BFSP1: variants seen among roughly 807,000 people sequenced by gnomAD.
BFSP1 encodes beaded filament structural protein 1.
A neutral mutation model predicts 43.9 loss-of-function variants in BFSP1; 38 were observed. The observed-to-expected ratio is 0.87, with a 90% confidence interval of 0.67 to 1.14. The LOEUF is 1.14. Ranked by LOEUF, BFSP1 falls within the 50% of genes most tolerant of loss-of-function variation. BFSP1 has a pLI of 0.00. For synonymous variants in BFSP1, 352 were observed against 354.8 expected (o/e 0.99, Z 0.09); for missense variants, 850 against 875.1 (o/e 0.97, Z 0.36).
chr20:17,547,026 C>CAAA (rs11324389), intron 1 of BFSP1, among the ~76,000 whole-genome samples: 16 of 77,560 alleles, frequency 2.1e-4, no homozygotes, highest in African/African-American at 3.1e-4. Context: ...GACTCCATCT[C>CAAA]AAAAAAAAAA....
intron 2 of BFSP1, chr20:17,517,446 G>C: frequency 1.6e-6 from 1 of 606,928 alleles, no homozygotes; most frequent in Non-Finnish European, 2.9e-6. Context: ...ACCACGCCCA[G>C]CTAATTTTTC....
upstream of BFSP1, among the ~76,000 whole-genome samples, chr20:17,532,237 T>G (rs1213219179): frequency 6.6e-6 from 1 of 150,498 alleles, no homozygotes; most frequent in Non-Finnish European, 1.5e-5. Context: ...AAACTCCGTC[T>G]CTACTAAAAA....
rs6044856 is a variant in BFSP1 at position 17,515,522 on chromosome 20, G to A, written c.439-706C>T. On this transcript the variant is annotated intron_variant, in intron 2 of 7. Transcript: ENST00000377873. ...TGTTTGTTCCTCTAAGGTTGGAAAC[G>A]ACATTGATCACAAAAGGTTGAATTT... 3.1e-3 allele frequency among the ~76,000 whole-genome samples: 470 copies of A among 152,320 alleles called. 1 individual carries two copies. The highest frequency in any genetic ancestry group is 0.01 in the African/African-American group (418 of 41,586).
chr20:17,533,689 G>C (rs2123544668), upstream of BFSP1, among the ~76,000 whole-genome samples: 1 of 152,334 alleles, frequency 6.6e-6, no homozygotes, highest in East Asian at 1.9e-4. Flanking sequence ...CTGAGGCCCT[G>C]GCAAGGGTGT....
intron 1 of BFSP1, among the ~76,000 whole-genome samples, chr20:17,551,753 C>T (rs185931751): frequency 2.0e-5 from 3 of 152,258 alleles, no homozygotes; most frequent in East Asian, 1.9e-4. Flanking sequence ...GAGGCAGAGG[C>T]GGGTGGATCA....
intron 1 of BFSP1, among the ~76,000 whole-genome samples, chr20:17,566,233 A>G (rs1357886222): frequency 6.6e-6 from 1 of 152,068 alleles, no homozygotes; most frequent in African/African-American, 2.4e-5. Flanking sequence ...GTATATTGAC[A>G]GTGTTATGTC....
chr20:17,556,150 A>G (rs1291020619), intron 1 of BFSP1, among the ~76,000 whole-genome samples: 2 of 152,260 alleles, frequency 1.3e-5, no homozygotes, highest in Non-Finnish European at 2.9e-5. Flanking sequence ...CTCACAATAT[A>G]TAAAACTAAT....
chr20:17,544,500 G>T (rs1313127623), intron 1 of BFSP1, among the ~76,000 whole-genome samples: 1 of 152,142 alleles, frequency 6.6e-6, no homozygotes, highest in Non-Finnish European at 1.5e-5. Context: ...CCTCTACATA[G>T]TTATTTTAAT....
At chr20:17,517,148 G>A in intron 2 of BFSP1, 1 of 801,210 alleles carries the variant, frequency 1.2e-6, no homozygotes, top group Non-Finnish European at 2.2e-6. Context: ...TGGCTGTCCT[G>A]AAATACTATA....
At chr20:17,509,163 T>C (rs2034015845) in intron 4 of BFSP1, among the ~76,000 whole-genome samples, 167 bp from the exon 5 acceptor site, 1 of 152,102 alleles carries the variant, frequency 6.6e-6, no homozygotes, top group Non-Finnish European at 1.5e-5. Context: ...TGGAAGGTGT[T>C]AGGGTTAGAT....
chr20:17,531,463 T>C, upstream of BFSP1: 1 of 1,172,078 alleles, frequency 8.5e-7, no homozygotes, highest in Non-Finnish European at 1.1e-6. Context: ...CGATCAGCAG[T>C]TGGGCGCCAC....
At chr20:17,528,679 C>G (rs982107588) in intron 1 of BFSP1, among the ~76,000 whole-genome samples, 1 of 152,200 alleles carries the variant, frequency 6.6e-6, no homozygotes, top group Non-Finnish European at 1.5e-5. Context: ...GCTCAGTTTC[C>G]CCATGAAGTT....
chr20:17,506,892 C>T (rs945120607), intron 5 of BFSP1: 5 of 152,024 alleles, frequency 3.3e-5, no homozygotes, highest in Non-Finnish European at 7.3e-5. Flanking sequence ...AAGCGGTCTC[C>T]ATCAGAATGC....
rs780694540 is a variant in BFSP1 at position 17,514,752 on chromosome 20, T to C, written c.503A>G (p.Asp168Gly). Residue 168 changes from aspartate to glycine, a missense_variant, in exon 3 of 8, where the codon GAT becomes GGT. Physicochemically the swap from Asp to Gly is moderately conservative, Grantham distance 94 (BLOSUM62 -1). Coordinates refer to ENST00000377873, the MANE Select transcript of BFSP1 (RefSeq NM_001195.5). ...LQLEAQFLQDDISAAKDRHKK... is the reference protein window; with the variant it reads ...LQLEAQFLQDGISAAKDRHKK... Reference sequence around the variant, plus strand: ...GTGCCTGTCCTTTGCCGCACTGATATCATCTTGCAGAAATTGGGCTTCCAG... The same window carrying C: ...GTGCCTGTCCTTTGCCGCACTGATACCATCTTGCAGAAATTGGGCTTCCAG... 1 of 1,614,088 alleles carries C rather than the reference T, an allele frequency of 6.2e-7. No homozygotes were observed. The highest frequency in any genetic ancestry group is 8.5e-7 in the Non-Finnish European group (1 of 1,179,952).
intron 1 of BFSP1, among the ~76,000 whole-genome samples, chr20:17,527,932 C>T (rs1324868968): frequency 6.6e-6 from 1 of 152,020 alleles, no homozygotes; most frequent in Non-Finnish European, 1.5e-5. Context: ...TTATTTCATT[C>T]TTGTTTTATT....
At position 17,498,813 on chromosome 20, in the gene BFSP1, C is replaced by A. The variant is rs202146533; in HGVS notation, c.956+7G>T. On this transcript the variant is annotated splice_region_variant and intron_variant, in intron 6 of 7. Coordinates refer to ENST00000377873, the MANE Select transcript of BFSP1 (RefSeq NM_001195.5). ...AAGTGGCCTGGATGGGGAGGGCACA[C>A]GCTCACCTGTTGCCTTCAATCTCGA... The A allele has an allele frequency of 5.0e-6, 8 of 1,611,392 alleles. No homozygotes were observed. The highest frequency in any genetic ancestry group is 6.8e-6 in the Non-Finnish European group (8 of 1,179,474).
chr20:17,500,032 A>G lies in BFSP1; in HGVS notation c.736-992T>C, dbSNP rs150396085. Among the ~76,000 whole-genome samples the G allele has an allele frequency of 3.9e-5, 6 of 152,352 alleles. No homozygotes were observed. The East Asian group carries it at 1.2e-3, about 29-fold the overall frequency. On this transcript the variant is annotated intron_variant, in intron 5 of 7. Transcript: ENST00000377873. ...TAAATCTGATAGCAAAAAAATAAGT[A>G]AAAAGAAGCACATACTAAATAGATA...
At chr20:17,519,660 C>G (rs374250630) in intron 2 of BFSP1, among the ~76,000 whole-genome samples, 1 of 152,258 alleles carries the variant, frequency 6.6e-6, no homozygotes, top group Non-Finnish European at 1.5e-5. Flanking sequence ...ACCACCAGCA[C>G]TGGGTCCCAT....
rs367562045 is a variant in BFSP1 at position 17,531,377 on chromosome 20, G to T, written c.-48C>A. The T allele has an allele frequency of 7.7e-7, 1 of 1,306,322 alleles. No homozygotes were observed. The allele number at this position is 1,306,322 out of a possible 1,614,324, so 80.9% of individuals were successfully genotyped here. ...GGGCGGCGCCGAGCCGGCTCTCCAG[G>T]AGGCCCCCGGCGCAGCCCGCAGCCC... On this transcript the variant is annotated 5_prime_UTR_variant, in exon 1 of 8. Transcript: ENST00000377873.
Sources: allele counts gnomAD v4.1 joint callset (sites outside exome capture counted in the v4.1 genomes callset), GRCh38; gene constraint gnomAD v4.1.1; transcripts MANE v1.5; gene names NCBI Gene and HGNC (gene_info 2026-07-23, HGNC 2026-07-21).